The following CNTN5 variants were observed in gnomAD, a reference collection of about 807,000 sequenced individuals.
CNTN5 encodes contactin 5, also known as contactin-5.
CNTN5 carries 77 observed loss-of-function variants against 129.1 expected under a neutral mutation model. The ratio of observed to expected loss-of-function variants is 0.60; its 90% CI spans 0.50 to 0.72. CNTN5 has a LOEUF of 0.72. Among genes scored for constraint, CNTN5 ranks in the 30% least tolerant of loss-of-function variants. CNTN5 has a pLI of 0.00. For synonymous variants in CNTN5, 509 were observed against 465.6 expected (o/e 1.09, Z -1.20); for missense variants, 1,478 against 1,328.8 (o/e 1.11, Z -1.75).
intron 3 of CNTN5, among the ~76,000 whole-genome samples, chr11:99,642,334 T>C (rs182353935): frequency 1.3e-5 from 2 of 152,242 alleles, no homozygotes; most frequent in East Asian, 3.9e-4. Flanking sequence ...CCTCCCTGTT[T>C]TTGAAATTTT....
chr11:99,998,612 A>T (rs1939620416), intron 8 of CNTN5, among the ~76,000 whole-genome samples: 1 of 130,722 alleles, frequency 7.6e-6, no homozygotes, highest in Admixed American at 8.7e-5. Context: ...TGCCATCCCC[A>T]TCAAGCTACC....
chr11:100,025,093 C>T (rs1324263831), intron 9 of CNTN5, among the ~76,000 whole-genome samples: 2 of 152,198 alleles, frequency 1.3e-5, no homozygotes, highest in Non-Finnish European at 2.9e-5. Flanking sequence ...CATCTAAGGC[C>T]TGGAGGCCTT....
chr11:99,993,733 T>A (rs1327098603), intron 8 of CNTN5, among the ~76,000 whole-genome samples: 1 of 152,098 alleles, frequency 6.6e-6, no homozygotes, highest in East Asian at 1.9e-4. Flanking sequence ...GTCTGTGGCC[T>A]GGAGGGGTGG....
chr11:99,886,275 A>C (rs1440043363), intron 6 of CNTN5, among the ~76,000 whole-genome samples: 1 of 152,106 alleles, frequency 6.6e-6, no homozygotes, highest in Non-Finnish European at 1.5e-5. Context: ...TCTGAGGAAA[A>C]AGATCTGGAC....
At chr11:99,983,575 C>CTAG (rs766565959) in intron 8 of CNTN5, among the ~76,000 whole-genome samples, 1 of 152,256 alleles carries the variant, frequency 6.6e-6, no homozygotes, top group Non-Finnish European at 1.5e-5. Context: ...CACAAAAACT[C>CTAG]TAGTAGTAGT....
intron 3 of CNTN5, among the ~76,000 whole-genome samples, chr11:99,734,729 C>T (rs1444173612): frequency 2.1e-4 from 31 of 146,356 alleles, no homozygotes; most frequent in Admixed American, 7.4e-4. Context: ...TTGCCTGCTT[C>T]CTACTGGAAG....
chr11:99,068,034 C>T (rs1865175715), intron 1 of CNTN5, among the ~76,000 whole-genome samples: 1 of 152,086 alleles, frequency 6.6e-6, no homozygotes, highest in Admixed American at 6.6e-5. Flanking sequence ...TTCTTGCCAC[C>T]TTGTGAAGAA....
chr11:99,624,954 C>T (rs1951077242), intron 3 of CNTN5, among the ~76,000 whole-genome samples: 1 of 152,180 alleles, frequency 6.6e-6, no homozygotes, highest in Non-Finnish European at 1.5e-5. Context: ...GTGTTTGTTT[C>T]ACTTGACGTG....
intron 6 of CNTN5, among the ~76,000 whole-genome samples, chr11:99,858,565 T>A (rs1293250376): frequency 6.7e-6 from 1 of 149,556 alleles, no homozygotes; most frequent in Non-Finnish European, 1.5e-5. Flanking sequence ...CTATCCTCCA[T>A]TTATTTAAAA....
chr11:99,318,737 C>T (rs1865446806), intron 1 of CNTN5, among the ~76,000 whole-genome samples: 1 of 152,084 alleles, frequency 6.6e-6, no homozygotes, highest in Non-Finnish European at 1.5e-5. Context: ...TGGTACCAGA[C>T]AGGTGGCAGC....
At chr11:99,801,536 T>C (rs1400515767) in intron 3 of CNTN5, among the ~76,000 whole-genome samples, 1 of 152,222 alleles carries the variant, frequency 6.6e-6, no homozygotes, top group Admixed American at 6.5e-5. Context: ...TTCCAGATAA[T>C]TTACATTTTC....
intron 7 of CNTN5, among the ~76,000 whole-genome samples, chr11:99,925,142 G>A (rs1950031533): frequency 6.6e-6 from 1 of 152,146 alleles, no homozygotes; most frequent in Non-Finnish European, 1.5e-5. Context: ...CACTCCTCCA[G>A]TTATAGGTGG....
chr11:99,615,360 CA>C (rs999645524), intron 3 of CNTN5, among the ~76,000 whole-genome samples: 6 of 152,010 alleles, frequency 3.9e-5, no homozygotes, highest in Non-Finnish European at 5.9e-5. Context: ...TATAAAATCA[CA>C]AGATTAGAAT....
At chr11:99,071,702 C>G (rs958982769) in intron 1 of CNTN5, among the ~76,000 whole-genome samples, 2 of 151,990 alleles carry the variant, frequency 1.3e-5, no homozygotes, top group African/African-American at 4.8e-5. Flanking sequence ...ATAACTGTTG[C>G]TTACTCAAAT....
chr11:100,063,459 G>A (rs1473490647), intron 10 of CNTN5, among the ~76,000 whole-genome samples: 1 of 151,964 alleles, frequency 6.6e-6, no homozygotes, highest in Non-Finnish European at 1.5e-5. Context: ...TGTGACAGGT[G>A]TGGAATATAT....
chr11:99,638,312 CAT>C (rs1715630906), intron 3 of CNTN5, among the ~76,000 whole-genome samples: 1 of 152,128 alleles, frequency 6.6e-6, no homozygotes, highest in African/African-American at 2.4e-5. Context: ...CCTTCCACAA[CAT>C]GTGGGAATTC....
chr11:99,482,756 C>T (rs1361143588), intron 2 of CNTN5, among the ~76,000 whole-genome samples: 1 of 151,922 alleles, frequency 6.6e-6, no homozygotes, highest in African/African-American at 2.4e-5. Flanking sequence ...GACAGAACAC[C>T]AAAGGCATGT....
At chr11:99,875,582 A>C (rs1395196684) in intron 6 of CNTN5, among the ~76,000 whole-genome samples, 1 of 152,126 alleles carries the variant, frequency 6.6e-6, no homozygotes, top group Admixed American at 6.6e-5. Context: ...ATTCTTTTAT[A>C]TAGCTCCTGG....
At chr11:99,727,581 T>A (rs1943394799) in intron 3 of CNTN5, among the ~76,000 whole-genome samples, 1 of 137,606 alleles carries the variant, frequency 7.3e-6, no homozygotes. Context: ...AAGTAGAACT[T>A]AAATTACTAT....
Sources: gnomAD v4.1 joint callset for allele counts (sites outside exome capture counted in the v4.1 genomes callset) on GRCh38, gnomAD v4.1.1 for gene constraint, MANE v1.5 for transcripts, NCBI Gene and HGNC (gene_info 2026-07-23, HGNC 2026-07-21) for gene names.